Variants in AKAP6 observed in about 807,000 individuals in gnomAD.
AKAP6 encodes the protein A-kinase anchor protein 6.
In AKAP6, 58 loss-of-function variants were observed where a neutral mutation model predicts 188.5. The ratio of observed to expected loss-of-function variants is 0.31; its 90% CI spans 0.25 to 0.38. The LOEUF is 0.38. AKAP6 is among the 10% of genes least tolerant of loss of function. The pLI, the probability that AKAP6 is intolerant of heterozygous loss-of-function variation, is 1.00. For synonymous variants in AKAP6, 989 were observed against 998.6 expected, an observed-to-expected ratio of 0.99 and a Z score of 0.18; for missense variants, 2,710 against 2,740.0, an observed-to-expected ratio of 0.99 and a Z score of 0.24.
intron 7 of AKAP6, among the ~76,000 whole-genome samples, chr14:32,670,751 A>G (rs1566637096): frequency 6.6e-6 from 1 of 152,072 alleles, no homozygotes; most frequent in Non-Finnish European, 1.5e-5. Flanking sequence ...CCTGGGAAGA[A>G]TAGTAAACAA....
intron 1 of AKAP6, among the ~76,000 whole-genome samples, chr14:32,383,087 A>ATG (rs3031402): frequency 0.011 from 1,550 of 143,236 alleles, 11 homozygotes; most frequent in East Asian, 0.029. Flanking sequence ...GGCAGATTTT[A>ATG]TGTGTGTGTG....
intron 2 of AKAP6, among the ~76,000 whole-genome samples, chr14:32,461,695 C>T (rs1195199574): frequency 6.6e-6 from 1 of 151,956 alleles, no homozygotes; most frequent in Non-Finnish European, 1.5e-5. Context: ...TGCAACTCCT[C>T]TTGAGCAAGG....
intron 12 of AKAP6, among the ~76,000 whole-genome samples, chr14:32,778,608 A>G (rs986424250): frequency 1.3e-5 from 2 of 152,144 alleles, no homozygotes; most frequent in African/African-American, 4.8e-5. Context: ...ATGCTATGGC[A>G]CAATCATGGC....
chr14:32,603,983 G>T (rs1296288318), intron 7 of AKAP6, among the ~76,000 whole-genome samples: 1 of 151,960 alleles, frequency 6.6e-6, no homozygotes, highest in Non-Finnish European at 1.5e-5. Flanking sequence ...AGGTGACGTT[G>T]GGCTAAGGGA....
At chr14:32,533,423 T>A (rs1882521080) in intron 2 of AKAP6, among the ~76,000 whole-genome samples, 2 of 151,870 alleles carry the variant, frequency 1.3e-5, no homozygotes, top group African/African-American at 4.8e-5. Context: ...GTGTCTCAGG[T>A]GAGGACTGGG....
intron 2 of AKAP6, among the ~76,000 whole-genome samples, chr14:32,514,139 C>G (rs1881398698): frequency 6.6e-6 from 1 of 152,112 alleles, no homozygotes; most frequent in Non-Finnish European, 1.5e-5. Flanking sequence ...GCTTGCCTTC[C>G]CATCTACCCG....
intron 1 of AKAP6, among the ~76,000 whole-genome samples, chr14:32,377,816 T>C (rs1385497821): frequency 1.3e-5 from 2 of 152,180 alleles, no homozygotes; most frequent in African/African-American, 4.8e-5. Context: ...TTAGAATGAG[T>C]CTGAGATTTT....
intron 1 of AKAP6, among the ~76,000 whole-genome samples, chr14:32,423,994 T>C (rs1186306474): frequency 1.3e-5 from 2 of 152,158 alleles, no homozygotes; most frequent in East Asian, 3.9e-4. Flanking sequence ...GTCAAACTTG[T>C]ATTCATTCTC....
rs1475484722 is a variant in AKAP6 at position 32,735,645 on chromosome 14, T to A, written c.3148-13T>A. On this transcript the variant is annotated splice_polypyrimidine_tract_variant and intron_variant, in intron 10 of 13. Coordinates refer to ENST00000280979, the MANE Select transcript of AKAP6 (RefSeq NM_004274.5). ...GTTTGTTTTATTTTTTGTTTTTTAA[T>A]CTGATGCATTAGAAAACCCTAGGAG... 1 of 1,527,064 alleles carries A rather than the reference T, an allele frequency of 6.5e-7. No individual in the cohort carries two copies. The highest frequency in any genetic ancestry group is 1.2e-5 in the South Asian group (1 of 81,162). 94.6% of individuals were successfully genotyped at this position (1,527,064 alleles called of 1,614,324 possible).
chr14:32,474,418 G>A (rs1878948626), intron 2 of AKAP6: 1 of 152,100 alleles, frequency 6.6e-6, no homozygotes, highest in Non-Finnish European at 1.5e-5. Flanking sequence ...ATATGAAATT[G>A]CTGTTTTTGT....
At chr14:32,702,346 A>C (rs937886749) in intron 9 of AKAP6, among the ~76,000 whole-genome samples, 5 of 152,058 alleles carry the variant, frequency 3.3e-5, no homozygotes, top group Non-Finnish European at 7.4e-5. Flanking sequence ...ATTAACTGTC[A>C]TATTAATTTG....
chr14:32,689,444 C>T (rs945087577), intron 8 of AKAP6, among the ~76,000 whole-genome samples: 6 of 151,966 alleles, frequency 3.9e-5, no homozygotes, highest in Non-Finnish European at 5.9e-5. Flanking sequence ...TTCACATGTA[C>T]GTAGGTATAT....
At chr14:32,785,820 T>A (rs1474060697) in intron 12 of AKAP6, among the ~76,000 whole-genome samples, 5 of 152,108 alleles carry the variant, frequency 3.3e-5, no homozygotes, top group Admixed American at 3.3e-4. Context: ...TTGGACATAG[T>A]CAAACCAACC....
chr14:32,491,391 A>C (rs772454539), intron 2 of AKAP6, among the ~76,000 whole-genome samples: 10 of 152,230 alleles, frequency 6.6e-5, no homozygotes, highest in Non-Finnish European at 1.3e-4. Flanking sequence ...TCATTCCTCT[A>C]TCAAAACAAG....
At chr14:32,670,188 C>T (rs1298339347) in intron 7 of AKAP6, among the ~76,000 whole-genome samples, 1 of 151,404 alleles carries the variant, frequency 6.6e-6, no homozygotes, top group East Asian at 1.9e-4. Flanking sequence ...CTCATGAAAA[C>T]TATCACAAGA....
At chr14:32,607,328 G>A (rs910222063) in intron 7 of AKAP6, among the ~76,000 whole-genome samples, 4 of 152,244 alleles carry the variant, frequency 2.6e-5, no homozygotes, top group East Asian at 1.9e-4. Context: ...TTTATGTGTC[G>A]TCAGTCCCAC....
intron 2 of AKAP6, among the ~76,000 whole-genome samples, chr14:32,508,831 C>CTTT (rs200344461): frequency 6.8e-6 from 1 of 146,084 alleles, no homozygotes. Context: ...TGAGTACCTA[C>CTTT]TTTTTTTTTT....
chr14:32,408,082 G>A (rs191532466), intron 1 of AKAP6, among the ~76,000 whole-genome samples: 60 of 152,270 alleles, frequency 3.9e-4, no homozygotes, highest in African/African-American at 1.4e-3. Context: ...TGTAACACAA[G>A]GGAGGTAGGA....
intron 7 of AKAP6, among the ~76,000 whole-genome samples, chr14:32,632,749 A>G (rs935151180): frequency 6.6e-6 from 1 of 152,254 alleles, no homozygotes; most frequent in South Asian, 2.1e-4. Flanking sequence ...ATCAGAGAGC[A>G]TAAAGCTAAG....
Sources: allele counts gnomAD v4.1 joint callset (sites outside exome capture counted in the v4.1 genomes callset), GRCh38; gene constraint gnomAD v4.1.1; transcripts MANE v1.5; gene names NCBI Gene and HGNC (gene_info 2026-07-23, HGNC 2026-07-21).